The following CASP2 variants were observed in gnomAD, a reference collection of about 807,000 sequenced individuals.
CASP2 encodes caspase-2.
CASP2 carries 38 observed loss-of-function variants against 54.4 expected under a neutral mutation model. The ratio of observed to expected loss-of-function variants is 0.70; its 90% CI spans 0.54 to 0.92. The LOEUF is 0.92. CASP2 is among the 40% of genes least tolerant of loss of function. CASP2 has a pLI of 0.00. For missense variants in CASP2, 512 were observed against 579.6 expected (o/e 0.88, Z 1.20); for synonymous variants, 215 against 216.3 (o/e 0.99, Z 0.05).
At chr7:143,299,437 C>T (rs1387937277) in intron 6 of CASP2, among the ~76,000 whole-genome samples, 1 of 152,192 alleles carries the variant, frequency 6.6e-6, no homozygotes, top group African/African-American at 2.4e-5. Context: ...CACTTAGAAT[C>T]TTAGAAGACA....
rs1563060183 is a variant in CASP2 at position 143,291,538 on chromosome 7, A to T, written c.75-2A>T. ...GCCTTTCCTTCTACCGTTTATCTGT[A>T]GGATATTGGGAGTGTGTGGCATGCA... On this transcript the variant is annotated splice_acceptor_variant, in intron 1 of 10. Transcript: ENST00000310447. LOFTEE classifies it high-confidence loss of function. The T allele has an allele frequency of 6.2e-7, 1 of 1,613,908 alleles. No homozygotes were observed.
Position 143,293,272 on chromosome 7 carries a change from T to C in CASP2, c.475+574T>C, listed in dbSNP as rs554199817. 59 of 503,346 alleles carry C rather than the reference T, an allele frequency of 1.2e-4. No individual in the cohort carries two copies. In the East Asian group the frequency reaches 1.5e-3, roughly 13 times the overall value. The allele number at this position is 503,346 out of a possible 1,614,324, so 31.2% of individuals were successfully genotyped here. On this transcript the variant is annotated intron_variant, in intron 4 of 10. Coordinates refer to ENST00000310447, the MANE Select transcript of CASP2 (RefSeq NM_032982.4). The stretch of plus-strand genomic sequence containing the variant: ...CCTCCCAAGTACCTGGGATTACAGG[T>C]GCATGCCACCACACCTAGCTCATTT...
chr7:143,304,216 T>A (rs1188985973), intron 9 of CASP2, among the ~76,000 whole-genome samples: 2 of 152,220 alleles, frequency 1.3e-5, no homozygotes, highest in African/African-American at 2.4e-5. Flanking sequence ...GCATTTCAGA[T>A]TTTTTGGATT....
In CASP2 at chr7:143,294,247, C is replaced by T. The variant is rs775675905; in HGVS notation, c.493C>T (p.Leu165=). 29 of 1,606,906 alleles carry T rather than the reference C, an allele frequency of 1.8e-5. No individual in the cohort carries two copies. The highest frequency in any genetic ancestry group is 2.5e-5 in the Non-Finnish European group (29 of 1,173,446). ...TACCACAGATACTGTGGAACACTCC[C>T]TAGACAATAAAGATGGTCCTGTCTG... is the stretch of plus-strand genomic sequence containing the variant. ...RLSTDTVEHS[L]DNKDGPVCLQ... Residue 165 remains leucine, a synonymous_variant, in exon 5 of 11, where the codon CTA becomes TTA. Coordinates refer to ENST00000310447, the MANE Select transcript of CASP2 (RefSeq NM_032982.4).
Position 143,306,831 on chromosome 7 carries a change from C to G in CASP2, c.*1760C>G, listed in dbSNP as rs1802079483. The stretch of plus-strand genomic sequence containing the variant: ...TGTTTAAATATAAATCTGATCACCC[C>G]CCTGCTTAGAACCCTTCTGCTTTCT... On this transcript the variant is annotated 3_prime_UTR_variant, in exon 11 of 11. Coordinates refer to ENST00000310447, the MANE Select transcript of CASP2 (RefSeq NM_032982.4). The G allele has an allele frequency of 6.6e-6, 1 of 152,148 alleles. No homozygotes were observed. The highest frequency in any genetic ancestry group is 2.4e-5 in the African/African-American group (1 of 41,414). 9.4% of individuals were successfully genotyped at this position (152,148 alleles called of 1,614,324 possible).
rs911892688 is a variant in CASP2, at chr7:143,288,660, G to T, written c.74+131G>T. On this transcript the variant is annotated intron_variant, in intron 1 of 10. Transcript: ENST00000310447. ...CAGCCGTGTCCGCGCTTCCTGCCAA[G>T]GGTGGGACGCCCGCCCGAGCCGCTC... The T allele has an allele frequency of 6.0e-4, 521 of 866,472 alleles. 1 individual carries two copies. The highest frequency in any genetic ancestry group is 1.4e-3 in the Admixed American group (51 of 37,484). The allele number at this position is 866,472 out of a possible 1,614,324, so 53.7% of individuals were successfully genotyped here. A position where few individuals can be genotyped will look rare whatever the true frequency, so the allele number is the denominator to read the frequency against.
Position 143,292,362 on chromosome 7 carries a change from C to T in CASP2, c.288C>T (p.Pro96=). 1 of 1,614,170 alleles carries T rather than the reference C, an allele frequency of 6.2e-7. No individual in the cohort carries two copies. Among genetic ancestry groups the T allele is most frequent in the Non-Finnish European group, 8.5e-7 (1 of 1,180,030 alleles). The stretch of plus-strand genomic sequence containing the variant: ...TCAACTTGCTGCCTAAGAGGGGTCC[C>T]CAAGCTTTTGATGCCTTCTGTGAAG... ...ELLNLLPKRG[P]QAFDAFCEAL... is the part of the protein sequence containing the mutation. The change falls in exon 3 of 11, where the codon CCC becomes CCT. Residue 96 remains proline (P), a synonymous_variant. Coordinates refer to ENST00000310447, the MANE Select transcript of CASP2 (RefSeq NM_032982.4).
In CASP2 at chr7:143,292,694, G is replaced by A. The variant is rs761761573; in HGVS notation, c.471G>A (p.Ser157=). ...CCCTTTACAAGAAGCTCCGCCTGTC[G>A]ACAGGTGAGAATTGATGGACTAAAA... ...SCPLYKKLRL[S]TDTVEHSLDN... Residue 157 remains serine, a synonymous_variant, in exon 4 of 11, where the codon TCG becomes TCA. Coordinates refer to ENST00000310447, the MANE Select transcript of CASP2 (RefSeq NM_032982.4). 50 of 1,611,736 alleles carry A rather than the reference G, an allele frequency of 3.1e-5. No homozygotes were observed. In the Admixed American group the frequency reaches 5.3e-4, roughly 17 times the overall value.
In CASP2 at chr7:143,288,490, T is replaced by C. The variant is rs755319705; in HGVS notation, c.35T>C (p.Phe12Ser). The C allele has an allele frequency of 5.6e-6, 9 of 1,613,236 alleles. No homozygotes were observed. The Admixed American group carries it at 1.5e-4, about 27-fold the overall frequency. ...AAPSAGSWST[F>S]QHKELMAADR... Reference sequence around the variant, plus strand: ...CCGAGCGCGGGGTCTTGGTCCACCTTCCAGCACAAGGAGCTGATGGCCGCT... The same window carrying C: ...CCGAGCGCGGGGTCTTGGTCCACCTCCCAGCACAAGGAGCTGATGGCCGCT... Residue 12 changes from phenylalanine (F) to serine (S), a missense_variant, in exon 1 of 11, where the codon TTC becomes TCC. Physicochemically the swap from Phe to Ser is radical, Grantham distance 155. This residue lies in a region of CASP2 where 89 missense variants were observed against 67.1 expected (regional missense o/e 1.33). Transcript: ENST00000310447.
Position 143,305,844 on chromosome 7 carries a change from T to TG in CASP2, c.*774dup, listed in dbSNP as rs1318525882. On this transcript the variant is annotated 3_prime_UTR_variant, in exon 11 of 11. Transcript: ENST00000310447. ...CATCAGAGAAGGCCAGGAAGAATGGTGTGTTTCCCTAGACTCTGTAACCAC... is the reference window on the plus strand; with the variant it reads ...CATCAGAGAAGGCCAGGAAGAATGGTGGTGTTTCCCTAGACTCTGTAACCAC... 3 of 153,456 alleles carry TG rather than the reference T, an allele frequency of 2.0e-5. No individual in the cohort carries two copies. The highest frequency in any genetic ancestry group is 6.4e-5 in the Admixed American group (1 of 15,528). 9.5% of individuals were successfully genotyped at this position (153,456 alleles called of 1,614,324 possible).
intron 1 of CASP2, 109 bp downstream of exon 1, chr7:143,288,638 C>T (rs1482909218): frequency 1.2e-5 from 13 of 1,044,232 alleles, no homozygotes; most frequent in East Asian, 2.7e-5. Context: ...CGGAAAGCAG[C>T]CGTGTCCGCG....
intron 6 of CASP2, among the ~76,000 whole-genome samples, chr7:143,298,347 A>G (rs1801816659): frequency 6.6e-6 from 1 of 152,234 alleles, no homozygotes; most frequent in African/African-American, 2.4e-5. Flanking sequence ...CTTTCTGCCC[A>G]TCTCAGAAGA....
Position 143,288,491 on chromosome 7 carries a change from C to G in CASP2, c.36C>G (p.Phe12Leu). ...AAPSAGSWST[F>L]QHKELMAADR... is the part of the protein sequence containing the mutation. Reference sequence around the variant, plus strand: ...CGAGCGCGGGGTCTTGGTCCACCTTCCAGCACAAGGAGCTGATGGCCGCTG... The same window carrying G: ...CGAGCGCGGGGTCTTGGTCCACCTTGCAGCACAAGGAGCTGATGGCCGCTG... Residue 12 changes from phenylalanine (F) to leucine (L), a missense_variant, in exon 1 of 11, where the codon TTC becomes TTG. Phe to Leu is a conservative substitution (Grantham distance 22). Coordinates refer to ENST00000310447, the MANE Select transcript of CASP2 (RefSeq NM_032982.4). 1.9e-6 allele frequency: 3 copies of G among 1,613,368 alleles called. No individual in the cohort carries two copies. Among genetic ancestry groups the G allele is most frequent in the Non-Finnish European group, 2.5e-6 (3 of 1,179,680 alleles).
At position 143,306,588 on chromosome 7, in the gene CASP2, A is replaced by G. The variant is rs1431786710; in HGVS notation, c.*1517A>G. The G allele has an allele frequency of 6.6e-6, 1 of 150,786 alleles. No homozygotes were observed. Among genetic ancestry groups the G allele is most frequent in the African/African-American group, 2.4e-5 (1 of 41,024 alleles). The allele number at this position is 150,786 out of a possible 1,614,324, so 9.3% of individuals were successfully genotyped here. ...TTTTTTTAAAAAAAAAAAAAAAAAA[A>G]CTTCCATTCTTTCTTCCTCCAGTCT... On this transcript the variant is annotated 3_prime_UTR_variant, in exon 11 of 11. Transcript: ENST00000310447.
At chr7:143,295,802 A>G (rs1258239454) in intron 6 of CASP2, among the ~76,000 whole-genome samples, 1 of 152,146 alleles carries the variant, frequency 6.6e-6, no homozygotes, top group Non-Finnish European at 1.5e-5. Context: ...TCCCCCTTGT[A>G]GCATATGCAA....
In CASP2 at chr7:143,305,117, A is replaced by G; in HGVS notation, c.*46A>G. ...CGCCAAGTGGAAGCCACTGGACCAC[A>G]GGAGGTGTGATAGAGCCTTTGATCT... On this transcript the variant is annotated 3_prime_UTR_variant, in exon 11 of 11. Transcript: ENST00000310447. The G allele has an allele frequency of 6.2e-7, 1 of 1,612,692 alleles. No individual in the cohort carries two copies. Among genetic ancestry groups the G allele is most frequent in the Non-Finnish European group, 8.5e-7 (1 of 1,178,768 alleles).
chr7:143,303,487 T>G, intron 8 of CASP2: 1 of 272,450 alleles, frequency 3.7e-6, no homozygotes, highest in Non-Finnish European at 7.1e-6. Flanking sequence ...ACAAGGAGTA[T>G]TTGATTTGGC....
chr7:143,307,423 G>A lies in CASP2; in HGVS notation c.*2352G>A, dbSNP rs190887805. The A allele has an allele frequency of 5.3e-5, 8 of 152,182 alleles. No homozygotes were observed. The highest frequency in any genetic ancestry group is 7.4e-5 in the Non-Finnish European group (5 of 68,020). 9.4% of individuals were successfully genotyped at this position (152,182 alleles called of 1,614,324 possible). On this transcript the variant is annotated 3_prime_UTR_variant, in exon 11 of 11. Coordinates refer to ENST00000310447, the MANE Select transcript of CASP2 (RefSeq NM_032982.4). The stretch of plus-strand genomic sequence containing the variant: ...TGTACTTTGTTTTTCCATGTGTTTT[G>A]CTTTTATCCACTGGCATTTTTAGCT...
intron 8 of CASP2, chr7:143,301,555 A>G (rs976638372): frequency 6.6e-6 from 1 of 152,200 alleles, no homozygotes; most frequent in Non-Finnish European, 1.5e-5. Context: ...GTATGCAGTA[A>G]GAGTAGATCA....
Sources: allele counts gnomAD v4.1 joint callset (sites outside exome capture counted in the v4.1 genomes callset), GRCh38; gene constraint gnomAD v4.1.1; regional missense constraint gnomAD v4.1.1; transcripts MANE v1.5; gene names NCBI Gene and HGNC (gene_info 2026-07-23, HGNC 2026-07-21).